The following NDST3 variants were observed in gnomAD, a reference collection of about 807,000 sequenced individuals.
The protein encoded by NDST3 is N-deacetylase and N-sulfotransferase 3.
A neutral mutation model predicts 96.1 loss-of-function variants in NDST3; 58 were observed. The ratio of observed to expected loss-of-function variants is 0.60; its 90% CI spans 0.49 to 0.75. NDST3 has a LOEUF of 0.75. NDST3 is among the 30% of genes least tolerant of loss of function. The pLI is 0.00. For synonymous variants in NDST3, 333 were observed against 359.7 expected (o/e 0.93, Z 0.84); for missense variants, 788 against 1,034.2 (o/e 0.76, Z 3.27).
rs535502767 is a variant in NDST3, at chr4:118,038,619, C to T, written c.-156+4027C>T. On this transcript the variant is annotated intron_variant, in intron 1 of 13. Transcript: ENST00000296499. ...TTCCCAAAGAAAAGCTTGCCCTTGT[C>T]AATTTTTATTATTATTACTAAATTA... 4.6e-5 allele frequency among the ~76,000 whole-genome samples: 7 copies of T among 152,278 alleles called. No individual in the cohort carries two copies. The South Asian group carries it at 1.2e-3, about 27-fold the overall frequency.
intron 4 of NDST3, among the ~76,000 whole-genome samples, chr4:118,133,964 T>C (rs1345957922): frequency 6.6e-6 from 1 of 152,214 alleles, no homozygotes; most frequent in East Asian, 1.9e-4. Context: ...TAAATGTCTT[T>C]TCTATGCAAA....
intron 6 of NDST3, among the ~76,000 whole-genome samples, chr4:118,152,237 A>C (rs1734446228): frequency 6.6e-6 from 1 of 152,156 alleles, no homozygotes; most frequent in Non-Finnish European, 1.5e-5. Flanking sequence ...TGTTCTTTAC[A>C]CATGCATTTG....
At chr4:118,033,455 T>C (rs146846214), upstream of NDST3, among the ~76,000 whole-genome samples, 2,315 of 152,064 alleles carry the variant, frequency 0.015, 29 homozygotes, top group Middle Eastern at 0.045. Flanking sequence ...CCCCGGGGTC[T>C]CCTTGTCGAG....
At chr4:118,081,338 C>T (rs1464006644) in intron 2 of NDST3, among the ~76,000 whole-genome samples, 1 of 152,062 alleles carries the variant, frequency 6.6e-6, no homozygotes, top group Non-Finnish European at 1.5e-5. Flanking sequence ...TCATTATGCT[C>T]AGGACATAGC....
At chr4:118,180,154 G>A (rs1736519058) in intron 6 of NDST3, among the ~76,000 whole-genome samples, 1 of 152,016 alleles carries the variant, frequency 6.6e-6, no homozygotes, top group Admixed American at 6.6e-5. Context: ...TTTGTTAACT[G>A]AGTGTATTTC....
rs1478616368 is a variant in NDST3 at position 118,120,158 on chromosome 4, C to T, written c.1224+5198C>T. Among the ~76,000 whole-genome samples the T allele has an allele frequency of 3.9e-5, 6 of 152,024 alleles. No individual in the cohort carries two copies. The East Asian group carries it at 1.2e-3, about 29-fold the overall frequency. On this transcript the variant is annotated intron_variant, in intron 4 of 13. Coordinates refer to ENST00000296499, the MANE Select transcript of NDST3 (RefSeq NM_004784.3). Reference sequence around the variant, plus strand: ...TTTCTTCTAGCTCTTAAGATTCTATCATTACTGTATTAAAATGTAGGTTTT... The same window carrying T: ...TTTCTTCTAGCTCTTAAGATTCTATTATTACTGTATTAAAATGTAGGTTTT...
intron 6 of NDST3, among the ~76,000 whole-genome samples, chr4:118,168,129 C>A (rs1331351841): frequency 6.6e-6 from 1 of 151,642 alleles, no homozygotes; most frequent in Non-Finnish European, 1.5e-5. Context: ...AGGGAAAATG[C>A]AACCTATGGA....
At chr4:118,076,693 A>T (rs1459113225) in intron 2 of NDST3, among the ~76,000 whole-genome samples, 1 of 151,866 alleles carries the variant, frequency 6.6e-6, no homozygotes, top group Non-Finnish European at 1.5e-5. Flanking sequence ...TGGATCCTGT[A>T]TTGTTTTGTT....
intron 10 of NDST3, 130 bp from the exon 11 acceptor site, chr4:118,240,394 T>C (rs1225857000): frequency 1.5e-6 from 1 of 686,860 alleles, no homozygotes; most frequent in Non-Finnish European, 2.1e-6. Context: ...CCTTTACTAA[T>C]TTCAAAATAG....
At chr4:118,097,447 C>T (rs1729404768) in intron 2 of NDST3, among the ~76,000 whole-genome samples, 1 of 151,876 alleles carries the variant, frequency 6.6e-6, no homozygotes, top group African/African-American at 2.4e-5. Context: ...AAATTAGAAA[C>T]TACCTTGAAC....
intron 5 of NDST3, among the ~76,000 whole-genome samples, chr4:118,141,822 C>G (rs985357474): frequency 6.6e-6 from 1 of 151,962 alleles, no homozygotes; most frequent in Non-Finnish European, 1.5e-5. Flanking sequence ...TTTCTGTTCT[C>G]TCACATGGGC....
intron 6 of NDST3, chr4:118,193,748 G>A (rs952850537): frequency 6.9e-6 from 10 of 1,442,970 alleles, no homozygotes; most frequent in African/African-American, 4.2e-5. Flanking sequence ...CAGTTCCAGG[G>A]CCTTGTTACA....
At chr4:118,181,108 A>G (rs1332180413) in intron 6 of NDST3, among the ~76,000 whole-genome samples, 1 of 152,164 alleles carries the variant, frequency 6.6e-6, no homozygotes, top group Non-Finnish European at 1.5e-5. Context: ...TCAGGGCTCC[A>G]TGAGGAAGAC....
intron 4 of NDST3, among the ~76,000 whole-genome samples, chr4:118,133,900 A>G (rs1732852317): frequency 6.6e-6 from 1 of 152,220 alleles, no homozygotes; most frequent in African/African-American, 2.4e-5. Context: ...AGTGGATAAA[A>G]TGGAACCTAA....
intron 2 of NDST3, among the ~76,000 whole-genome samples, chr4:118,090,185 C>G (rs1728751433): frequency 6.6e-6 from 1 of 152,012 alleles, no homozygotes; most frequent in Admixed American, 6.6e-5. Context: ...ACCTATATAA[C>G]TAGCACATTC....
intron 2 of NDST3, among the ~76,000 whole-genome samples, chr4:118,075,474 C>T (rs917077481): frequency 2.0e-5 from 3 of 152,350 alleles, no homozygotes; most frequent in African/African-American, 4.8e-5. Flanking sequence ...AATCACCACA[C>T]TGTCTTCCAC....
At chr4:118,121,341 ATC>A (rs1260439565) in intron 4 of NDST3, among the ~76,000 whole-genome samples, 3 of 152,296 alleles carry the variant, frequency 2.0e-5, no homozygotes, top group African/African-American at 7.2e-5. Context: ...ATAGTTTAAA[ATC>A]TGTTTTTCTA....
At chr4:118,119,626 G>C (rs927285715) in intron 4 of NDST3, among the ~76,000 whole-genome samples, 3 of 152,132 alleles carry the variant, frequency 2.0e-5, no homozygotes, top group Non-Finnish European at 4.4e-5. Flanking sequence ...TTCATAAAAT[G>C]AATAGCTGAA....
chr4:118,226,130 T>C (rs1273126915), intron 7 of NDST3, among the ~76,000 whole-genome samples: 1 of 152,154 alleles, frequency 6.6e-6, no homozygotes, highest in Non-Finnish European at 1.5e-5. Context: ...AAAAAAGTGG[T>C]ACTGTTTGCC....
Sources: gnomAD v4.1 joint callset for allele counts (sites outside exome capture counted in the v4.1 genomes callset) on GRCh38, gnomAD v4.1.1 for gene constraint, MANE v1.5 for transcripts, NCBI Gene and HGNC (gene_info 2026-07-23, HGNC 2026-07-21) for gene names.